Variants in GPR107 observed in about 807,000 individuals in gnomAD.
GPR107 encodes the protein G protein-coupled receptor 107.
A neutral mutation model predicts 75.5 loss-of-function variants in GPR107; 31 were observed. That is an observed-to-expected ratio of 0.41 (90% CI 0.31 to 0.55). The LOEUF is 0.55. GPR107 is among the 20% of genes least tolerant of loss of function. GPR107 has a pLI of 0.26. For synonymous variants in GPR107, 267 were observed against 251.3 expected (o/e 1.06, Z -0.59); for missense variants, 572 against 665.7 (o/e 0.86, Z 1.55).
intron 17 of GPR107, among the ~76,000 whole-genome samples, chr9:130,131,745 C>A (rs570693561): frequency 2.0e-4 from 31 of 152,186 alleles, no homozygotes; most frequent in Non-Finnish European, 3.4e-4. Context: ...CCACGTCCCT[C>A]TTCCTCAGCC....
intron 17 of GPR107, 100 bp from the exon 18 acceptor site, chr9:130,134,925 C>T: frequency 1.4e-6 from 1 of 739,808 alleles, no homozygotes; most frequent in Non-Finnish European, 2.4e-6. Flanking sequence ...TTTCAAAAAC[C>T]AACACCCATC....
intron 4 of GPR107, among the ~76,000 whole-genome samples, chr9:130,078,229 A>G (rs572497960): frequency 1.3e-5 from 2 of 152,238 alleles, no homozygotes; most frequent in East Asian, 3.9e-4. Context: ...AGTTCAGCAT[A>G]CTTCCAACTG....
At chr9:130,062,823 G>A (rs1008776978) in intron 1 of GPR107, among the ~76,000 whole-genome samples, 2 of 150,218 alleles carry the variant, frequency 1.3e-5, no homozygotes, top group Non-Finnish European at 3.0e-5. Flanking sequence ...GGGCTCAAGG[G>A]ATCCTCCTGC....
intron 6 of GPR107, among the ~76,000 whole-genome samples, chr9:130,085,754 A>ATTTTTTTTCTTTTTTTTTTTT (rs1830598689): frequency 1.3e-5 from 1 of 78,674 alleles, no homozygotes; most frequent in African/African-American, 5.0e-5. Flanking sequence ...CAATATTTTG[A>ATTTTTTTTCTTTTTTTTTTTT]TTTTTTTTTT....
At chr9:130,100,401 G>A (rs1830994601) in intron 10 of GPR107, among the ~76,000 whole-genome samples, 1 of 152,188 alleles carries the variant, frequency 6.6e-6, no homozygotes, top group South Asian at 2.1e-4. Context: ...TCCTGTCTGT[G>A]GGCCTCCAAG....
In GPR107 at chr9:130,137,694, C is replaced by G. The variant is rs1169184614; in HGVS notation, c.*2573C>G. 1.3e-5 allele frequency: 2 copies of G among 152,244 alleles called. No individual in the cohort carries two copies. Among genetic ancestry groups the G allele is most frequent in the Non-Finnish European group, 2.9e-5 (2 of 68,038 alleles). 9.4% of individuals were successfully genotyped at this position (152,244 alleles called of 1,614,324 possible). On this transcript the variant is annotated 3_prime_UTR_variant, in exon 18 of 18. Transcript: ENST00000347136. ...CCGTGACCCACCGTTCATCTCTGCT[C>G]TTGCGTAAAGATGACCGATGGAGTC...
rs551284754 is a variant in GPR107 at position 130,108,610 on chromosome 9, G to C, written c.1306+1071G>C. ...TTCACGTAACTCTTGCTCCTAGGCA[G>C]CCTGTGTGCAAGTCATACCCAGGCT... is the stretch of plus-strand genomic sequence containing the variant. On this transcript the variant is annotated intron_variant, in intron 14 of 17. Transcript: ENST00000347136. Among the ~76,000 whole-genome samples the C allele has an allele frequency of 3.3e-5, 5 of 152,322 alleles. No homozygotes were observed. In the East Asian group the frequency reaches 9.6e-4, roughly 29 times the overall value.
chr9:130,099,543 GC>G lies in GPR107; in HGVS notation c.939+12del. On this transcript the variant is annotated intron_variant, in intron 10 of 17. Coordinates refer to ENST00000347136, the MANE Select transcript of GPR107 (RefSeq NM_020960.5). ...TTGGTGTTCCATGCAGTATGTATTA[GC>G]ATTTTGAGGATCATTCATGAAATTA... The G allele has an allele frequency of 6.7e-7, 1 of 1,488,752 alleles. No homozygotes were observed. The highest frequency in any genetic ancestry group is 1.1e-5 in the South Asian group (1 of 87,988). 92.2% of individuals were successfully genotyped at this position (1,488,752 alleles called of 1,614,324 possible).
chr9:130,072,251 C>G (rs149668696), intron 1 of GPR107, among the ~76,000 whole-genome samples: 46 of 147,988 alleles, frequency 3.1e-4, no homozygotes, highest in Non-Finnish European at 4.6e-4. Context: ...GATGGAGTCT[C>G]GCTGTCGCCC....
chr9:130,125,568 T>G (rs1831654806), intron 15 of GPR107, among the ~76,000 whole-genome samples: 1 of 150,384 alleles, frequency 6.6e-6, no homozygotes, highest in Admixed American at 6.6e-5. Context: ...GCTGTGTCTT[T>G]CAAAATGGGA....
chr9:130,125,508 G>C (rs1041107728), intron 15 of GPR107, among the ~76,000 whole-genome samples: 3 of 151,620 alleles, frequency 2.0e-5, no homozygotes, highest in Admixed American at 1.3e-4. Flanking sequence ...CTGAGTAGCT[G>C]GGACTGCAGG....
intron 9 of GPR107, among the ~76,000 whole-genome samples, chr9:130,096,819 T>TC (rs1830884641): frequency 2.0e-5 from 3 of 152,244 alleles, no homozygotes. Flanking sequence ...TGCATTTATT[T>TC]TAAGTTTACA....
intron 14 of GPR107, among the ~76,000 whole-genome samples, chr9:130,110,832 G>C (rs1831280555): frequency 6.6e-6 from 1 of 152,120 alleles, no homozygotes; most frequent in South Asian, 2.1e-4. Context: ...TTGGCCCTCT[G>C]TGCCCCCTCA....
chr9:130,114,049 T>TTTTTTTTTTTTTTTTTTTTTTTG (rs1831366040), intron 14 of GPR107, among the ~76,000 whole-genome samples: 1 of 88,414 alleles, frequency 1.1e-5, no homozygotes, highest in Non-Finnish European at 2.4e-5. Context: ...TTTTTTTTTT[T>TTTTTTTTTTTTTTTTTTTTTTTG]CATTTTTTTT....
intron 1 of GPR107, among the ~76,000 whole-genome samples, chr9:130,067,585 G>A (rs1018031785): frequency 1.3e-5 from 2 of 152,048 alleles, no homozygotes; most frequent in African/African-American, 4.8e-5. Context: ...CACTTCATGT[G>A]CTTAGCTGGT....
chr9:130,135,255 A>G lies in GPR107; in HGVS notation c.*134A>G, dbSNP rs1490287617. 1 of 580,200 alleles carries G rather than the reference A, an allele frequency of 1.7e-6. No homozygotes were observed. Among genetic ancestry groups the G allele is most frequent in the East Asian group, 3.0e-5 (1 of 33,856 alleles). The allele number at this position is 580,200 out of a possible 1,614,324, so 35.9% of individuals were successfully genotyped here. On this transcript the variant is annotated 3_prime_UTR_variant, in exon 18 of 18. Coordinates refer to ENST00000347136, the MANE Select transcript of GPR107 (RefSeq NM_020960.5). ...TGACACCAGGGCACATGGCTGGAGC[A>G]CAGTGCCGCGGAAACCTGATTTTGT... is the stretch of plus-strand genomic sequence containing the variant.
intron 5 of GPR107, among the ~76,000 whole-genome samples, chr9:130,081,001 G>C (rs1202016864): frequency 1.3e-5 from 2 of 150,124 alleles, no homozygotes; most frequent in East Asian, 4.1e-4. Flanking sequence ...CTTGAGTCTA[G>C]GAGCTTGTAC....
intron 1 of GPR107, among the ~76,000 whole-genome samples, chr9:130,075,306 A>G (rs1014408843): frequency 7.4e-5 from 10 of 134,278 alleles, no homozygotes; most frequent in African/African-American, 2.9e-4. Context: ...GTGCAGTGGC[A>G]TGATCTCGGC....
chr9:130,085,075 A>T (rs1156840637), intron 6 of GPR107, among the ~76,000 whole-genome samples: 1 of 152,188 alleles, frequency 6.6e-6, no homozygotes, highest in Non-Finnish European at 1.5e-5. Flanking sequence ...CAATAGAGGA[A>T]TTGATGAGCA....
Sources: gnomAD v4.1 joint callset for allele counts (sites outside exome capture counted in the v4.1 genomes callset) on GRCh38, gnomAD v4.1.1 for gene constraint, MANE v1.5 for transcripts, NCBI Gene and HGNC (gene_info 2026-07-23, HGNC 2026-07-21) for gene names.